ARID4B: variants seen among roughly 807,000 people sequenced by gnomAD.
ARID4B encodes the protein AT-rich interaction domain 4B, also known as AT-rich interactive domain-containing protein 4B.
Under a neutral mutation model 147.5 loss-of-function variants are expected in ARID4B, and 26 were observed. That is an observed-to-expected ratio of 0.18 (90% CI 0.13 to 0.24). ARID4B has a LOEUF of 0.24. Ranked by LOEUF, ARID4B falls within the 10% of genes least tolerant of loss-of-function variation. The probability of loss-of-function intolerance (pLI) is 1.00; values close to 1 mark genes in which losing one functional copy is unlikely to be tolerated. For missense variants in ARID4B, 1,179 were observed against 1,511.5 expected (o/e 0.78, Z 3.65); for synonymous variants, 512 against 507.9 (o/e 1.01, Z -0.11).
At chr1:235,170,297 C>T (rs941065429) in intron 23 of ARID4B, among the ~76,000 whole-genome samples, 5 of 152,188 alleles carry the variant, frequency 3.3e-5, no homozygotes, top group African/African-American at 1.2e-4. Flanking sequence ...GTAGTTTCTA[C>T]AGAGACCACA....
Position 235,255,644 on chromosome 1 carries a change from A to T in ARID4B, c.274+16T>A, listed in dbSNP as rs1287880870. Reference sequence around the variant, plus strand: ...TAACTAAAAACACATTTTTAAAAGAAAATTTATTTTCTTACCTACAGTGTA... The same window carrying T: ...TAACTAAAAACACATTTTTAAAAGATAATTTATTTTCTTACCTACAGTGTA... On this transcript the variant is annotated intron_variant, in intron 5 of 23. Transcript: ENST00000264183. The T allele has an allele frequency of 2.6e-6, 4 of 1,531,940 alleles. No individual in the cohort carries two copies. Among genetic ancestry groups the T allele is most frequent in the Non-Finnish European group, 3.5e-6 (4 of 1,134,948 alleles). 94.9% of individuals were successfully genotyped at this position (1,531,940 alleles called of 1,614,324 possible).
At chr1:235,211,562 T>A (rs543891851) in intron 17 of ARID4B, among the ~76,000 whole-genome samples, 15 of 152,294 alleles carry the variant, frequency 9.8e-5, no homozygotes, top group African/African-American at 3.4e-4. Context: ...GCAGTAATTA[T>A]TCGTTTTTGC....
chr1:235,195,070 A>G (rs780623794), intron 18 of ARID4B, among the ~76,000 whole-genome samples: 7 of 152,180 alleles, frequency 4.6e-5, no homozygotes, highest in Non-Finnish European at 1.0e-4. Context: ...ATTTATAGGA[A>G]AAATAAGCTC....
chr1:235,236,974 G>A (rs2103064371), intron 8 of ARID4B, among the ~76,000 whole-genome samples: 2 of 139,668 alleles, frequency 1.4e-5, no homozygotes, highest in South Asian at 4.8e-4. Context: ...CCAGGTTCAA[G>A]CGATTCTCCT....
chr1:235,310,329 A>G (rs1401351066), intron 2 of ARID4B, among the ~76,000 whole-genome samples: 1 of 152,222 alleles, frequency 6.6e-6, no homozygotes, highest in African/African-American at 2.4e-5. Flanking sequence ...TCAAAAAGTC[A>G]CTAAATGGCA....
intron 2 of ARID4B, among the ~76,000 whole-genome samples, chr1:235,307,648 G>A (rs927694325): frequency 6.6e-6 from 1 of 152,122 alleles, no homozygotes; most frequent in African/African-American, 2.4e-5. Flanking sequence ...CTTGGCAGAA[G>A]AGATAGGTTC....
chr1:235,210,554 T>A (rs191206912), intron 17 of ARID4B, among the ~76,000 whole-genome samples: 1 of 151,794 alleles, frequency 6.6e-6, no homozygotes, highest in Non-Finnish European at 1.5e-5. Context: ...AGACTGATTA[T>A]TGCAGAAAGA....
intron 18 of ARID4B, among the ~76,000 whole-genome samples, chr1:235,194,603 C>G (rs1372502806): frequency 3.3e-5 from 5 of 152,044 alleles, no homozygotes; most frequent in Non-Finnish European, 4.4e-5. Flanking sequence ...GGTGGATCAC[C>G]TGAGGTCAGG....
chr1:235,212,185 C>T (rs1482650223), intron 17 of ARID4B, among the ~76,000 whole-genome samples: 3 of 152,092 alleles, frequency 2.0e-5, no homozygotes, highest in African/African-American at 7.2e-5. Flanking sequence ...GTGGAAGTTG[C>T]AGTGAGTAGA....
chr1:235,275,650 C>T (rs979644171), intron 2 of ARID4B, among the ~76,000 whole-genome samples: 3 of 152,078 alleles, frequency 2.0e-5, no homozygotes, highest in Non-Finnish European at 4.4e-5. Context: ...TTCTATTACC[C>T]ATAACCAAAA....
At chr1:235,253,676 G>A (rs926002451) in intron 5 of ARID4B, among the ~76,000 whole-genome samples, 3 of 152,094 alleles carry the variant, frequency 2.0e-5, no homozygotes, top group Non-Finnish European at 4.4e-5. Context: ...ACCACCATAA[G>A]TTAACAGATA....
At position 235,229,403 on chromosome 1, in the gene ARID4B, G is replaced by C. The variant is rs187467749; in HGVS notation, c.743-18C>G. On this transcript the variant is annotated intron_variant, in intron 10 of 23. Transcript: ENST00000264183. ...TTCAAAGGCTGGAAACAGACCACAA[G>C]GTACATGAACTGAAGAAATTAAGAC... The C allele has an allele frequency of 4.7e-5, 72 of 1,540,022 alleles. No individual in the cohort carries two copies. In the African/African-American group the frequency reaches 5.7e-4, roughly 12 times the overall value.
chr1:235,276,909 A>G (rs1322986875), intron 2 of ARID4B, among the ~76,000 whole-genome samples: 1 of 151,372 alleles, frequency 6.6e-6, no homozygotes, highest in East Asian at 2.0e-4. Context: ...CTGAGGCAGG[A>G]GAATCGCTTG....
intron 2 of ARID4B, among the ~76,000 whole-genome samples, chr1:235,292,880 T>C (rs914485184): frequency 6.6e-6 from 1 of 152,104 alleles, no homozygotes; most frequent in African/African-American, 2.4e-5. Context: ...ACTAGAAATA[T>C]ACTGACAGAA....
At chr1:235,287,790 T>C (rs994344949) in intron 2 of ARID4B, among the ~76,000 whole-genome samples, 4 of 152,220 alleles carry the variant, frequency 2.6e-5, no homozygotes, top group Non-Finnish European at 5.9e-5. Context: ...TTTATAAAAC[T>C]ATAAAAATAC....
chr1:235,189,823 T>C (rs1353229022), intron 19 of ARID4B, among the ~76,000 whole-genome samples: 2 of 152,114 alleles, frequency 1.3e-5, no homozygotes, highest in African/African-American at 4.8e-5. Flanking sequence ...GGAAAATCGC[T>C]TGAGCTCAGA....
chr1:235,284,859 T>C (rs971541874), intron 2 of ARID4B, among the ~76,000 whole-genome samples: 3 of 151,926 alleles, frequency 2.0e-5, no homozygotes, highest in Non-Finnish European at 4.4e-5. Flanking sequence ...CAAAACCACA[T>C]CTCTACAGAC....
intron 19 of ARID4B, among the ~76,000 whole-genome samples, chr1:235,191,257 A>T (rs28593631): frequency 0.26 from 21,188 of 82,932 alleles, 1,837 homozygotes; most frequent in African/African-American, 0.35. Context: ...TTTTTATTTT[A>T]TTTTTTTTAA....
Position 235,181,966 on chromosome 1 carries a change from C to G in ARID4B, c.2953G>C (p.Glu985Gln). The change falls in exon 20 of 24, where the codon GAA (glutamate) becomes CAA (glutamine). Residue 985 changes from glutamate to glutamine, a missense_variant. By Grantham distance (29) the Glu-to-Gln change is conservative. This residue lies in a region of ARID4B where 357 missense variants were observed against 427.3 expected (regional missense o/e 0.84). Transcript: ENST00000264183. ...TCGACATTGACTGGAGGTGGTTTTT[C>G]TAGTTCTACACTGGGTGAACAACTC... Reference protein sequence around the residue: ...EESCSPSVELEKPPPVNVDSK... With the variant: ...EESCSPSVELQKPPPVNVDSK... The G allele has an allele frequency of 6.2e-7, 1 of 1,614,130 alleles. No homozygotes were observed. The highest frequency in any genetic ancestry group is 8.5e-7 in the Non-Finnish European group (1 of 1,180,014).
Sources: allele counts gnomAD v4.1 joint callset (sites outside exome capture counted in the v4.1 genomes callset), GRCh38; gene constraint gnomAD v4.1.1; regional missense constraint gnomAD v4.1.1; transcripts MANE v1.5; gene names NCBI Gene and HGNC (gene_info 2026-07-23, HGNC 2026-07-21).